Variants in TLN2 observed in about 807,000 individuals in gnomAD.
TLN2 encodes talin-2.
In TLN2, 118 loss-of-function variants were observed where a neutral mutation model predicts 294.7. The observed-to-expected ratio is 0.40, with a 90% CI of 0.34 to 0.47. The LOEUF is 0.47. Among genes scored for constraint, TLN2 ranks in the 20% least tolerant of loss-of-function variants. TLN2 has a pLI of 0.84. For synonymous variants in TLN2, 1,431 were observed against 1,304.5 expected (o/e 1.10, Z -2.09); for missense variants, 3,083 against 3,282.2 (o/e 0.94, Z 1.48).
intron 37 of TLN2, 139 bp downstream of exon 37, chr15:62,755,832 G>A (rs2062213188): frequency 1.7e-6 from 2 of 1,175,286 alleles, no homozygotes; most frequent in South Asian, 1.6e-5. Context: ...TTGTGTCACT[G>A]AATAGGCATC....
chr15:62,488,749 A>G (rs2038546550), intron 1 of TLN2, among the ~76,000 whole-genome samples: 1 of 152,232 alleles, frequency 6.6e-6, no homozygotes, highest in Non-Finnish European at 1.5e-5. Flanking sequence ...ATCTCAAAAT[A>G]TTTACTGAGC....
At chr15:62,824,183 G>A (rs949048396) in intron 54 of TLN2, 1 of 323,760 alleles carries the variant, frequency 3.1e-6, no homozygotes, top group African/African-American at 2.2e-5. Flanking sequence ...ACCTGTATCA[G>A]TATTACTGGA....
intron 1 of TLN2, among the ~76,000 whole-genome samples, chr15:62,553,140 T>A (rs2042415604): frequency 6.6e-6 from 1 of 152,234 alleles, no homozygotes; most frequent in South Asian, 2.1e-4. Context: ...TGAACTGATT[T>A]ACAGTGCCAG....
chr15:62,681,665 A>T (rs895447749), intron 11 of TLN2, among the ~76,000 whole-genome samples: 1 of 152,208 alleles, frequency 6.6e-6, no homozygotes, highest in African/African-American at 2.4e-5. Context: ...TAAACTCTCT[A>T]AATCTCAGTT....
intron 1 of TLN2, among the ~76,000 whole-genome samples, chr15:62,431,173 C>CT (rs1447553349): frequency 6.6e-6 from 1 of 152,146 alleles, no homozygotes; most frequent in Non-Finnish European, 1.5e-5. Context: ...AGGACTCTGC[C>CT]TACCATAGTG....
chr15:62,767,636 G>T (rs1326606854), intron 41 of TLN2, among the ~76,000 whole-genome samples: 1 of 152,176 alleles, frequency 6.6e-6, no homozygotes, highest in Non-Finnish European at 1.5e-5. Context: ...ACTGCGCCCG[G>T]CTGGCATATT....
chr15:62,498,603 T>G (rs1447530654), intron 1 of TLN2, among the ~76,000 whole-genome samples: 1 of 152,212 alleles, frequency 6.6e-6, no homozygotes, highest in Non-Finnish European at 1.5e-5. Context: ...GGCTGTGTTC[T>G]AGAGAGCTGG....
intron 33 of TLN2, among the ~76,000 whole-genome samples, chr15:62,750,062 C>T (rs16945631): frequency 0.017 from 2,532 of 152,298 alleles, 76 homozygotes; most frequent in African/African-American, 0.059. Context: ...AGAAGTTGTG[C>T]TAATTGACCA....
intron 1 of TLN2, among the ~76,000 whole-genome samples, chr15:62,491,347 T>TACACACACACAC (rs1345830691): frequency 2.4e-5 from 2 of 82,292 alleles, no homozygotes; most frequent in African/African-American, 1.0e-4. Context: ...AATATATATA[T>TACACACACACAC]ATATACACAC....
intron 35 of TLN2, 116 bp downstream of exon 35, chr15:62,752,543 G>A: frequency 1.4e-6 from 2 of 1,441,512 alleles, no homozygotes; most frequent in Non-Finnish European, 1.9e-6. Flanking sequence ...CATGGGAAAG[G>A]CAGTGGCTTC....
chr15:62,702,944 G>T, intron 19 of TLN2, 80 bp downstream of exon 19: 2 of 1,281,322 alleles, frequency 1.6e-6, no homozygotes, highest in Non-Finnish European at 2.3e-6. Context: ...TGTAATATTT[G>T]AAAACTAACT....
intron 3 of TLN2, among the ~76,000 whole-genome samples, chr15:62,619,322 A>C (rs1386644273): frequency 6.6e-6 from 1 of 152,232 alleles, no homozygotes; most frequent in South Asian, 2.1e-4. Context: ...GCCCATTCTC[A>C]TAGCGCACCT....
At chr15:62,833,224 T>C in intron 54 of TLN2, 1 of 370,494 alleles carries the variant, frequency 2.7e-6, no homozygotes, top group African/African-American at 2.0e-5. Flanking sequence ...AAACTATTGC[T>C]GTGCCTGGCC....
At chr15:62,750,548 A>G (rs1048661858) in intron 34 of TLN2, 57 bp downstream of exon 34, 16 of 1,450,950 alleles carry the variant, frequency 1.1e-5, no homozygotes, top group Admixed American at 6.7e-5. Flanking sequence ...TGTGGGGAGA[A>G]GTTTAGACGT....
rs550126817 is a variant in TLN2, at chr15:62,582,586, G to A, written c.-237-7101G>A. Among the ~76,000 whole-genome samples, 3 of 152,302 alleles carry A rather than the reference G, an allele frequency of 2.0e-5. No individual in the cohort carries two copies. In the South Asian group the frequency reaches 6.2e-4, roughly 32 times the overall value. ...ATGGGGGTGTGGGGACGGCATTGTA[G>A]ACATGTAAGAGTGGGCATCAAAGCC... On this transcript the variant is annotated intron_variant, in intron 1 of 58. Coordinates refer to ENST00000636159, the MANE Select transcript of TLN2 (RefSeq NM_015059.3).
intron 2 of TLN2, among the ~76,000 whole-genome samples, chr15:62,606,299 C>T (rs1474334628): frequency 6.8e-6 from 1 of 147,192 alleles, no homozygotes; most frequent in Non-Finnish European, 1.5e-5. Context: ...CCCTGTTGGT[C>T]AGGCTGGTCT....
intron 40 of TLN2, among the ~76,000 whole-genome samples, chr15:62,764,812 C>G (rs992873280): frequency 3.3e-5 from 5 of 151,810 alleles, no homozygotes; most frequent in South Asian, 2.1e-4. Flanking sequence ...ACCAAAAATA[C>G]AAAAATTAGC....
intron 1 of TLN2, among the ~76,000 whole-genome samples, chr15:62,555,328 C>G (rs558065199): frequency 6.6e-6 from 1 of 152,164 alleles, no homozygotes; most frequent in Admixed American, 6.5e-5. Flanking sequence ...TTGAAGTGTT[C>G]CTTTATATTA....
At chr15:62,730,182 T>C (rs1330449647) in intron 28 of TLN2, among the ~76,000 whole-genome samples, 4 of 151,966 alleles carry the variant, frequency 2.6e-5, no homozygotes, top group Non-Finnish European at 5.9e-5. Context: ...GCTGGGACTA[T>C]AGGTGTGTGC....
Sources: gnomAD v4.1 joint callset for allele counts (sites outside exome capture counted in the v4.1 genomes callset) on GRCh38, gnomAD v4.1.1 for gene constraint, MANE v1.5 for transcripts, NCBI Gene and HGNC (gene_info 2026-07-23, HGNC 2026-07-21) for gene names.